NUP210L: variants seen among roughly 807,000 people sequenced by gnomAD.
NUP210L encodes the protein nucleoporin 210 like, also known as nuclear pore membrane glycoprotein 210-like.
A neutral mutation model predicts 208.5 loss-of-function variants in NUP210L; 74 were observed. That is an observed-to-expected ratio of 0.35 (90% CI 0.29 to 0.43). NUP210L has a LOEUF of 0.43. Among genes scored for constraint, NUP210L ranks in the 20% least tolerant of loss-of-function variants. The pLI, the probability that NUP210L is intolerant of heterozygous loss-of-function variation, is 1.00. For synonymous variants in NUP210L, 780 were observed against 816.9 expected (o/e 0.95, Z 0.77); for missense variants, 1,843 against 2,289.4 (o/e 0.81, Z 3.98).
chr1:154,102,891 A>C (rs1656541587), intron 13 of NUP210L, among the ~76,000 whole-genome samples: 1 of 152,178 alleles, frequency 6.6e-6, no homozygotes, highest in Non-Finnish European at 1.5e-5. Context: ...AGAAGAAAAG[A>C]GCTTGAGGCT....
At position 154,057,982 on chromosome 1, in the gene NUP210L, T is replaced by C. The variant is rs539560923; in HGVS notation, c.3107+107A>G. The C allele has an allele frequency of 9.3e-6, 11 of 1,184,130 alleles. No individual in the cohort carries two copies. In the East Asian group the frequency reaches 2.4e-4, roughly 25 times the overall value. The allele number at this position is 1,184,130 out of a possible 1,614,324, so 73.4% of individuals were successfully genotyped here. Reference sequence around the variant, plus strand: ...GAAATGTATTCTAACAGAAAAGGAATGGAGAAAATCTGAAATAATCTAAGG... The same window carrying C: ...GAAATGTATTCTAACAGAAAAGGAACGGAGAAAATCTGAAATAATCTAAGG... On this transcript the variant is annotated intron_variant, in intron 22 of 39. Transcript: ENST00000368559.
In NUP210L at chr1:154,046,308, C is replaced by T. The variant is rs373895756; in HGVS notation, c.3545G>A (p.Arg1182Gln). 3.2e-5 allele frequency: 51 copies of T among 1,614,142 alleles called. 1 individual carries two copies. The South Asian group carries it at 4.4e-4, about 14-fold the overall frequency. Reference sequence around the variant, plus strand: ...ACTGACCTTGGTAGCTGTGATGAGCCGAGTTGCAGCTGCAAGGATCCTAAC... The same window carrying T: ...ACTGACCTTGGTAGCTGTGATGAGCTGAGTTGCAGCTGCAAGGATCCTAAC... The change falls in exon 26 of 40, where the codon CGG becomes CAG. Residue 1182 changes from arginine to glutamine, a missense_variant. By Grantham distance (43) the Arg-to-Gln change is conservative (BLOSUM62 1). Around this residue, in one of 5 missense-constraint regions of NUP210L, gnomAD observed 781 missense variants for 973.8 expected, o/e 0.80. Transcript: ENST00000368559.
exon 32 of NUP210L, chr1:154,022,207 C>G: frequency 6.2e-7 from 1 of 1,614,176 alleles, no homozygotes; most frequent in Non-Finnish European, 8.5e-7. Context: ...ATGGCATGCT[C>G]TACAGCAACA....
At chr1:154,121,759 C>T (rs527534436) in intron 10 of NUP210L, among the ~76,000 whole-genome samples, 7 of 151,484 alleles carry the variant, frequency 4.6e-5, no homozygotes, top group South Asian at 2.1e-4. Context: ...CCCAGCTACT[C>T]GGGAGGCTGA....
intron 16 of NUP210L, among the ~76,000 whole-genome samples, chr1:154,076,739 T>G (rs948515772): frequency 6.6e-6 from 1 of 151,982 alleles, no homozygotes; most frequent in African/African-American, 2.4e-5. Flanking sequence ...CCATCATACG[T>G]ACCAGTATAT....
In NUP210L at chr1:154,070,322, T is replaced by TA. The variant is rs1181708692; in HGVS notation, c.2504_2505insT (p.Val836SerfsTer8). 1 of 1,612,174 alleles carries TA rather than the reference T, an allele frequency of 6.2e-7. No individual in the cohort carries two copies. The highest frequency in any genetic ancestry group is 8.5e-7 in the Non-Finnish European group (1 of 1,179,374). ...CATCATCTTTTGCTACCATTTCCAC[T>TA]GATTTATAATCTTCGAAATGGGCTA... On this transcript the variant is annotated frameshift_variant, in exon 17 of 40. Coordinates refer to ENST00000368559, the Ensembl canonical transcript of NUP210L. LOFTEE classifies it high-confidence loss of function.
At chr1:154,099,724 T>G (rs1042581498) in intron 14 of NUP210L, among the ~76,000 whole-genome samples, 1 of 152,232 alleles carries the variant, frequency 6.6e-6, no homozygotes, top group African/African-American at 2.4e-5. Flanking sequence ...TCTGTACATA[T>G]TTTATACCTC....
intron 9 of NUP210L, 69 bp from the exon 10 acceptor site, chr1:154,126,532 A>C: frequency 1.5e-6 from 2 of 1,359,790 alleles, no homozygotes; most frequent in Non-Finnish European, 2.0e-6. Flanking sequence ...CTTAATCCCA[A>C]AGCATCTATA....
At chr1:154,135,886 T>G in exon 7 of NUP210L, 1 of 1,611,936 alleles carries the variant, frequency 6.2e-7, no homozygotes, top group Non-Finnish European at 8.5e-7. Flanking sequence ...TCATCCAGTA[T>G]AGCCACTTTC....
At chr1:154,104,241 G>GT (rs780851211) in intron 12 of NUP210L, 31 bp from the exon 13 acceptor site, 1 of 1,593,510 alleles carries the variant, frequency 6.3e-7, no homozygotes, top group Non-Finnish European at 8.6e-7. Context: ...TTTCAAGAAA[G>GT]TTATGTTAAA....
chr1:154,053,692 C>A (rs954991955), intron 25 of NUP210L, among the ~76,000 whole-genome samples: 7 of 152,336 alleles, frequency 4.6e-5, no homozygotes, highest in Admixed American at 2.6e-4. Flanking sequence ...CCTTTGTTTC[C>A]CGTAAGGAAT....
At chr1:154,114,863 G>A (rs1366928087) in intron 12 of NUP210L, among the ~76,000 whole-genome samples, 1 of 151,812 alleles carries the variant, frequency 6.6e-6, no homozygotes, top group Non-Finnish European at 1.5e-5. Context: ...ACTCAAAGGT[G>A]TTGGGATTAC....
intron 35 of NUP210L, among the ~76,000 whole-genome samples, chr1:154,003,272 A>G (rs1051980205): frequency 4.6e-5 from 7 of 151,996 alleles, no homozygotes; most frequent in African/African-American, 1.7e-4. Flanking sequence ...CAGTGGCGCA[A>G]TCTCAGCTCA....
chr1:154,060,498 T>C, intron 20 of NUP210L, 42 bp downstream of exon 20: 1 of 1,241,500 alleles, frequency 8.1e-7, no homozygotes, highest in Non-Finnish European at 1.2e-6. Context: ...AGAATGAGCT[T>C]TGGCCTGAGA....
chr1:154,077,134 G>C (rs973337253), intron 16 of NUP210L, among the ~76,000 whole-genome samples: 3 of 152,048 alleles, frequency 2.0e-5, no homozygotes, highest in South Asian at 2.1e-4. Context: ...TAGCACTTTG[G>C]GGGGCCGAGG....
intron 16 of NUP210L, among the ~76,000 whole-genome samples, chr1:154,076,102 CTTTT>C (rs60524355): frequency 9.3e-5 from 11 of 117,922 alleles, no homozygotes; most frequent in Admixed American, 1.9e-4. Flanking sequence ...ACAAAGACTT[CTTTT>C]TTTTTTTTTT....
chr1:154,138,377 C>A, intron 5 of NUP210L, 139 bp from the exon 6 acceptor site: 2 of 650,002 alleles, frequency 3.1e-6, no homozygotes, highest in Non-Finnish European at 2.4e-6. Flanking sequence ...CTTTCCTAAT[C>A]ACAAGTCATA....
intron 6 of NUP210L, among the ~76,000 whole-genome samples, chr1:154,136,919 C>CAAAAAA (rs11374907): frequency 1.6e-4 from 10 of 62,960 alleles, no homozygotes; most frequent in Admixed American, 5.0e-4. Flanking sequence ...GAATCCATCT[C>CAAAAAA]AAAAAAAAAA....
chr1:154,152,462 C>A (rs1659446636), intron 2 of NUP210L, among the ~76,000 whole-genome samples: 1 of 149,094 alleles, frequency 6.7e-6, no homozygotes, highest in South Asian at 2.1e-4. Context: ...GCGCGAGCCA[C>A]CGCCCCCAGC....
Sources: gnomAD v4.1 joint callset for allele counts (sites outside exome capture counted in the v4.1 genomes callset) on GRCh38, gnomAD v4.1.1 for gene constraint, gnomAD v4.1.1 regional missense constraint, MANE v1.5 for transcripts, NCBI Gene and HGNC (gene_info 2026-07-23, HGNC 2026-07-21) for gene names.